RIMBP2: variants seen among roughly 807,000 people sequenced by gnomAD.
RIMBP2 encodes the protein RIMS-binding protein 2.
RIMBP2 carries 48 observed loss-of-function variants against 118.6 expected under a neutral mutation model. The ratio of observed to expected loss-of-function variants is 0.40; its 90% CI spans 0.32 to 0.51. The LOEUF (loss-of-function observed/expected upper bound fraction) is 0.51. Among genes scored for constraint, RIMBP2 ranks in the 20% least tolerant of loss-of-function variants. The pLI is 0.41. For missense variants in RIMBP2, 1,551 were observed against 1,768.3 expected, an observed-to-expected ratio of 0.88 and a Z score of 2.20; for synonymous variants, 762 against 742.9, an observed-to-expected ratio of 1.03 and a Z score of -0.42.
chr12:130,417,077 G>A (rs1593223578), intron 17 of RIMBP2, among the ~76,000 whole-genome samples: 1 of 152,028 alleles, frequency 6.6e-6, no homozygotes, highest in South Asian at 2.1e-4. Context: ...CGATTAAAAA[G>A]TCAAAAAATA....
chr12:130,519,155 T>C (rs1268515131), intron 2 of RIMBP2, among the ~76,000 whole-genome samples: 1 of 152,228 alleles, frequency 6.6e-6, no homozygotes, highest in African/African-American at 2.4e-5. Flanking sequence ...ATTGATCTGG[T>C]TCATCTCTGT....
rs372562141 is a variant in RIMBP2 at position 130,597,532 on chromosome 12, T to C, written c.-217+30790A>G. ...CTGGGATTACAGGCGTGAGCCACCA[T>C]GCCTGGCCAAGGTAACCCATCTTAA... is the stretch of plus-strand genomic sequence containing the variant. On this transcript the variant is annotated intron_variant, in intron 2 of 22. Coordinates refer to ENST00000690449, the MANE Select transcript of RIMBP2 (RefSeq NM_001393629.1). 2.0e-5 allele frequency among the ~76,000 whole-genome samples: 3 copies of C among 152,312 alleles called. No individual in the cohort carries two copies. In the South Asian group the frequency reaches 6.2e-4, roughly 32 times the overall value.
In RIMBP2 at chr12:130,446,658, G is replaced by A. The variant is rs888626235; in HGVS notation, c.582-1389C>T. Among the ~76,000 whole-genome samples the A allele has an allele frequency of 1.3e-5, 2 of 152,208 alleles. No individual in the cohort carries two copies. Among genetic ancestry groups the A allele is most frequent in the Admixed American group, 6.5e-5 (1 of 15,292 alleles). Reference sequence around the variant, plus strand: ...GAACGGGACAAGAGCTCTGGAAGAAGGAATAGCATGCGCCAAGGCCCAGAG... The same window carrying A: ...GAACGGGACAAGAGCTCTGGAAGAAAGAATAGCATGCGCCAAGGCCCAGAG... On this transcript the variant is annotated intron_variant, in intron 9 of 22. Transcript: ENST00000690449. The surrounding 1 kb of genome is among the most constrained non-coding windows in gnomAD (Gnocchi z 4.1).
intron 3 of RIMBP2, among the ~76,000 whole-genome samples, chr12:130,515,812 C>A (rs1221851188): frequency 6.6e-6 from 1 of 152,144 alleles, no homozygotes; most frequent in African/African-American, 2.4e-5. Context: ...ATTCTCCTGC[C>A]TCAGCCTCCC....
chr12:130,574,587 T>C (rs1031205378), intron 2 of RIMBP2, among the ~76,000 whole-genome samples: 2 of 152,194 alleles, frequency 1.3e-5, no homozygotes, highest in African/African-American at 2.4e-5. Flanking sequence ...CGCAGGCAGC[T>C]TCCCCTTTCT....
intron 2 of RIMBP2, among the ~76,000 whole-genome samples, chr12:130,614,640 A>G (rs1243674201): frequency 6.6e-6 from 1 of 152,166 alleles, no homozygotes; most frequent in Non-Finnish European, 1.5e-5. Context: ...GATCTTTAGC[A>G]TAGCAGTGAC....
At chr12:130,708,614 AG>A (rs1243739251) in intron 1 of RIMBP2, among the ~76,000 whole-genome samples, 2 of 152,112 alleles carry the variant, frequency 1.3e-5, no homozygotes, top group Non-Finnish European at 2.9e-5. Context: ...CTCAGCCTGT[AG>A]GTCGAGGCTG....
intron 6 of RIMBP2, among the ~76,000 whole-genome samples, chr12:130,464,004 C>T (rs1157531282): frequency 3.9e-5 from 6 of 152,192 alleles, no homozygotes; most frequent in African/African-American, 4.8e-5. Context: ...AGTTTACAGA[C>T]GCCAAGGCAG....
chr12:130,656,795 G>T (rs953634785), intron 1 of RIMBP2, among the ~76,000 whole-genome samples: 1 of 152,060 alleles, frequency 6.6e-6, no homozygotes, highest in African/African-American at 2.4e-5. Context: ...TGTGGTCCCA[G>T]CTACTTGGGA....
chr12:130,529,981 G>A (rs2053203375), intron 2 of RIMBP2, among the ~76,000 whole-genome samples: 1 of 152,220 alleles, frequency 6.6e-6, no homozygotes, highest in Admixed American at 6.5e-5. Flanking sequence ...CCACAGACCT[G>A]TGCTGGTCCA....
chr12:130,621,051 C>T lies in RIMBP2; in HGVS notation c.-217+7271G>A, dbSNP rs1375820790. Among the ~76,000 whole-genome samples, 1 of 152,164 alleles carries T rather than the reference C, an allele frequency of 6.6e-6. No homozygotes were observed. The highest frequency in any genetic ancestry group is 1.5e-5 in the Non-Finnish European group (1 of 68,032). On this transcript the variant is annotated intron_variant, in intron 2 of 22. Coordinates refer to ENST00000690449, the MANE Select transcript of RIMBP2 (RefSeq NM_001393629.1). The surrounding 1 kb of genome is among the most constrained non-coding windows in gnomAD (Gnocchi z 6.6). ...GGGGAGGCCTGAAAATATGCACACACCTCTGTAAGGAGATGGAGTCACCCC... is the reference window on the plus strand; with the variant it reads ...GGGGAGGCCTGAAAATATGCACACATCTCTGTAAGGAGATGGAGTCACCCC...
rs192451708 is a variant in RIMBP2 at position 130,414,113 on chromosome 12, G to A, written c.3420+12C>T. Reference sequence around the variant, plus strand: ...GGGCTGATGAAGCCGCCCGCAGGCAGCCATCCCGCACCTTGATGATCTGGC... The same window carrying A: ...GGGCTGATGAAGCCGCCCGCAGGCAACCATCCCGCACCTTGATGATCTGGC... On this transcript the variant is annotated intron_variant, in intron 18 of 22. Transcript: ENST00000690449. 4,713 of 1,613,834 alleles carry A rather than the reference G, an allele frequency of 2.9e-3. 6 individuals carry two copies. Among genetic ancestry groups the A allele is most frequent in the Non-Finnish European group, 3.7e-3 (4,347 of 1,179,896 alleles).
chr12:130,532,637 G>A (rs1230172583), intron 2 of RIMBP2, among the ~76,000 whole-genome samples: 6 of 137,606 alleles, frequency 4.4e-5, no homozygotes, highest in South Asian at 5.4e-4. Context: ...TAGGAGGTAC[G>A]TCTAATGAGA....
At chr12:130,500,426 C>A (rs2049634451) in intron 4 of RIMBP2, among the ~76,000 whole-genome samples, 1 of 152,186 alleles carries the variant, frequency 6.6e-6, no homozygotes, top group Admixed American at 6.5e-5. Flanking sequence ...CCACTGCACT[C>A]CAGCCTGGGT....
intron 22 of RIMBP2, chr12:130,399,149 G>T: frequency 7.2e-7 from 1 of 1,396,786 alleles, no homozygotes; most frequent in Non-Finnish European, 9.4e-7. Context: ...GGTGTGAAAT[G>T]AACACTCTTC....
In RIMBP2 at chr12:130,423,656, C is replaced by CA. The variant is rs36000671; in HGVS notation, c.3129+485dup. ...AAACAAGAACTTTGGAAACAATATG[C>CA]AAAAAAAAAAAAAAAAAAAATAGAT... On this transcript the variant is annotated intron_variant, in intron 16 of 22. Coordinates refer to ENST00000690449, the MANE Select transcript of RIMBP2 (RefSeq NM_001393629.1). Among the ~76,000 whole-genome samples the CA allele has an allele frequency of 2.4e-3, 122 of 50,120 alleles. 1 individual carries two copies. Among genetic ancestry groups the CA allele is most frequent in the African/African-American group, 5.0e-3 (63 of 12,584 alleles). The allele number at this position is 50,120 out of a possible 152,430, so 32.9% of individuals were successfully genotyped here. A position where few individuals can be genotyped will look rare whatever the true frequency, so the allele number is the denominator to read the frequency against.
intron 9 of RIMBP2, among the ~76,000 whole-genome samples, chr12:130,448,198 G>A (rs1390976336): frequency 3.9e-5 from 6 of 152,124 alleles, no homozygotes; most frequent in Non-Finnish European, 5.9e-5. Flanking sequence ...GAGAATGTGC[G>A]TGGGCTGTGA....
chr12:130,624,952 T>C (rs2061534013), intron 2 of RIMBP2, among the ~76,000 whole-genome samples: 1 of 152,228 alleles, frequency 6.6e-6, no homozygotes, highest in Admixed American at 6.5e-5. Context: ...CTCAAACTCC[T>C]GACCTTGTGA....
In RIMBP2 at chr12:130,585,321, T is replaced by C. The variant is rs12298183; in HGVS notation, c.-217+43001A>G. Among the ~76,000 whole-genome samples, 289 of 152,286 alleles carry C rather than the reference T, an allele frequency of 1.9e-3. 3 individuals are homozygous for C. The highest frequency in any genetic ancestry group is 6.7e-3 in the African/African-American group (280 of 41,556). ...GGCGGGGCGATGGGGAGATGCCTTTTGGACGTTTGGGGAGTGAAAAGGGGA... is the reference window on the plus strand; with the variant it reads ...GGCGGGGCGATGGGGAGATGCCTTTCGGACGTTTGGGGAGTGAAAAGGGGA... On this transcript the variant is annotated intron_variant, in intron 2 of 22. Transcript: ENST00000690449.
Sources: allele counts gnomAD v4.1 joint callset (sites outside exome capture counted in the v4.1 genomes callset), GRCh38; gene constraint gnomAD v4.1.1; non-coding constraint Gnocchi (gnomAD v3.1); transcripts MANE v1.5; gene names NCBI Gene and HGNC (gene_info 2026-07-23, HGNC 2026-07-21).